PLEKHM3: variants seen among roughly 807,000 people sequenced by gnomAD.
PLEKHM3 encodes pleckstrin homology domain-containing family M member 3.
In PLEKHM3, 45 loss-of-function variants were observed where a neutral mutation model predicts 81.8. That is an observed-to-expected ratio of 0.55 (90% CI 0.43 to 0.71). PLEKHM3 has a LOEUF of 0.71. Among genes scored for constraint, PLEKHM3 ranks in the 30% least tolerant of loss-of-function variants. PLEKHM3 has a pLI of 0.00. For synonymous variants in PLEKHM3, 352 were observed against 356.4 expected, an observed-to-expected ratio of 0.99 and a Z score of 0.14; for missense variants, 788 against 924.3, an observed-to-expected ratio of 0.85 and a Z score of 1.91.
At chr2:207,858,457 A>C (rs1365213523) in intron 7 of PLEKHM3, among the ~76,000 whole-genome samples, 1 of 151,628 alleles carries the variant, frequency 6.6e-6, no homozygotes, top group Non-Finnish European at 1.5e-5. Context: ...TTCAGTTAGA[A>C]GCATTTAGAA....
chr2:207,929,726 T>C (rs1022206127), intron 5 of PLEKHM3, among the ~76,000 whole-genome samples: 5 of 152,220 alleles, frequency 3.3e-5, no homozygotes, highest in African/African-American at 1.2e-4. Context: ...ATGGCAGCTG[T>C]CTTTTCATTA....
chr2:207,900,151 C>T (rs995515932), intron 6 of PLEKHM3: 1 of 152,304 alleles, frequency 6.6e-6, no homozygotes, highest in South Asian at 2.1e-4. Flanking sequence ...TATCTGCAGC[C>T]TCATCTCTAG....
chr2:207,868,814 T>A (rs574136115), intron 6 of PLEKHM3: 1 of 152,312 alleles, frequency 6.6e-6, no homozygotes, highest in South Asian at 2.1e-4. Context: ...ATCAAGTTGT[T>A]CATCTGTTTG....
chr2:207,861,027 A>C, intron 7 of PLEKHM3, 78 bp downstream of exon 7: 1 of 1,498,584 alleles, frequency 6.7e-7, no homozygotes, highest in Admixed American at 1.9e-5. Context: ...TACTTGACTA[A>C]AAGTTGGCCT....
chr2:207,853,770 T>A (rs930348829), intron 7 of PLEKHM3, among the ~76,000 whole-genome samples: 4 of 151,942 alleles, frequency 2.6e-5, no homozygotes, highest in Admixed American at 6.6e-5. Flanking sequence ...TCATGCTTGC[T>A]ATTATTATTA....
chr2:208,020,174 T>C (rs1041027955), intron 1 of PLEKHM3, among the ~76,000 whole-genome samples: 10 of 151,940 alleles, frequency 6.6e-5, no homozygotes, highest in African/African-American at 2.2e-4. Context: ...AACTGGCTAA[T>C]GCGAGACAGA....
intron 4 of PLEKHM3, among the ~76,000 whole-genome samples, chr2:207,944,461 A>G (rs1690054072): frequency 6.6e-6 from 1 of 152,208 alleles, no homozygotes; most frequent in Non-Finnish European, 1.5e-5. Context: ...GGCTGGAAGG[A>G]GGACAATGAG....
At chr2:207,868,875 T>C (rs1396629876) in intron 6 of PLEKHM3, 1 of 152,074 alleles carries the variant, frequency 6.6e-6, no homozygotes, top group Non-Finnish European at 1.5e-5. Flanking sequence ...TTTCTTCTGA[T>C]ATTATCTGTT....
intron 1 of PLEKHM3, among the ~76,000 whole-genome samples, chr2:208,023,681 C>G (rs1356253595): frequency 1.3e-5 from 2 of 151,910 alleles, no homozygotes; most frequent in African/African-American, 2.4e-5. Context: ...AGTTTCATCC[C>G]GTAACTATCA....
chr2:208,000,095 T>C (rs922671985), intron 2 of PLEKHM3, among the ~76,000 whole-genome samples: 2 of 152,178 alleles, frequency 1.3e-5, no homozygotes, highest in Admixed American at 1.3e-4. Context: ...AAGAGCAAGT[T>C]CATGAGTACA....
Position 207,889,417 on chromosome 2 carries a change from G to C in PLEKHM3, c.1950+19097C>G, listed in dbSNP as rs1687979250. ...CAACTAGAATACACATTTAAGAGCAGACAGGAGGTTTTTTTCAACACACAC... is the reference window on the plus strand; with the variant it reads ...CAACTAGAATACACATTTAAGAGCACACAGGAGGTTTTTTTCAACACACAC... On this transcript the variant is annotated intron_variant, in intron 6 of 7. Coordinates refer to ENST00000427836, the MANE Select transcript of PLEKHM3 (RefSeq NM_001080475.3). 2.1e-5 allele frequency among the ~76,000 whole-genome samples: 3 copies of C among 140,118 alleles called. No individual in the cohort carries two copies. The South Asian group carries it at 7.0e-4, about 33-fold the overall frequency. The allele number at this position is 140,118 out of a possible 152,430, so 91.9% of individuals were successfully genotyped here. A position where few individuals can be genotyped will look rare whatever the true frequency, so the allele number is the denominator to read the frequency against.
intron 4 of PLEKHM3, among the ~76,000 whole-genome samples, chr2:207,945,620 C>T (rs1014614896): frequency 2.0e-5 from 3 of 152,082 alleles, no homozygotes; most frequent in Non-Finnish European, 2.9e-5. Context: ...AGAAATATCT[C>T]GGACCACACA....
intron 6 of PLEKHM3, among the ~76,000 whole-genome samples, chr2:207,888,354 T>TACACACACACAC (rs72373527): frequency 8.0e-5 from 12 of 150,076 alleles, no homozygotes; most frequent in African/African-American, 2.7e-4. Context: ...CTTTTCTTCA[T>TACACACACACAC]ACACACACAC....
intron 3 of PLEKHM3, among the ~76,000 whole-genome samples, chr2:207,948,875 C>T (rs2105973977): frequency 6.6e-6 from 1 of 152,152 alleles, no homozygotes; most frequent in Non-Finnish European, 1.5e-5. Flanking sequence ...GACGGGGCTT[C>T]GCTATGTTGG....
intron 5 of PLEKHM3, among the ~76,000 whole-genome samples, chr2:207,917,442 T>G (rs1689027499): frequency 6.6e-6 from 1 of 152,222 alleles, no homozygotes. Context: ...AAATTCAGTA[T>G]TAACCAGACC....
chr2:207,914,814 T>C (rs1312531226), intron 5 of PLEKHM3, among the ~76,000 whole-genome samples: 3 of 152,232 alleles, frequency 2.0e-5, no homozygotes, highest in South Asian at 2.1e-4. Flanking sequence ...AGGATCCTTG[T>C]TGCAGAAGAG....
intron 1 of PLEKHM3, among the ~76,000 whole-genome samples, chr2:208,004,215 G>A (rs1162499875): frequency 6.6e-6 from 1 of 152,082 alleles, no homozygotes; most frequent in East Asian, 1.9e-4. Context: ...AAGAGTTTGA[G>A]ACCAGCCTGG....
chr2:207,854,105 T>C (rs2092426620), intron 7 of PLEKHM3, among the ~76,000 whole-genome samples: 2 of 152,202 alleles, frequency 1.3e-5, no homozygotes, highest in South Asian at 4.2e-4. Flanking sequence ...TGAACTGTAA[T>C]TATGCTATTC....
At position 207,827,761 on chromosome 2, in the gene PLEKHM3, AG is replaced by A. The variant is rs1436393247; in HGVS notation, c.*557del. 2 of 152,250 alleles carry A rather than the reference AG, an allele frequency of 1.3e-5. No homozygotes were observed. Among genetic ancestry groups the A allele is most frequent in the African/African-American group, 4.8e-5 (2 of 41,458 alleles). The allele number at this position is 152,250 out of a possible 1,614,324, so 9.4% of individuals were successfully genotyped here. On this transcript the variant is annotated 3_prime_UTR_variant, in exon 8 of 8. Coordinates refer to ENST00000427836, the MANE Select transcript of PLEKHM3 (RefSeq NM_001080475.3). ...TGCTTACGTGATTCCCCGCCTCCAC[AG>A]GAGGAACTGAGGCGGGAGCGCCACG...
Sources: gnomAD v4.1 joint callset for allele counts (sites outside exome capture counted in the v4.1 genomes callset) on GRCh38, gnomAD v4.1.1 for gene constraint, MANE v1.5 for transcripts, NCBI Gene and HGNC (gene_info 2026-07-23, HGNC 2026-07-21) for gene names.